The following ZFHX3 variants were observed in gnomAD, a reference collection of about 807,000 sequenced individuals.
ZFHX3 encodes the protein zinc finger homeobox protein 3.
ZFHX3 carries 42 observed loss-of-function variants against 279.1 expected under a neutral mutation model. The observed-to-expected ratio is 0.15, with a 90% confidence interval of 0.12 to 0.19. The LOEUF (loss-of-function observed/expected upper bound fraction) is 0.19. ZFHX3 is among the 10% of genes least tolerant of loss of function. The pLI is 1.00. For synonymous variants in ZFHX3, 2,293 were observed against 1,957.8 expected, an observed-to-expected ratio of 1.17 and a Z score of -4.52; for missense variants, 4,981 against 4,754.0, an observed-to-expected ratio of 1.05 and a Z score of -1.40.
chr16:73,629,152 G>T (rs182653491), intron 2 of ZFHX3, among the ~76,000 whole-genome samples: 1 of 152,296 alleles, frequency 6.6e-6, no homozygotes, highest in African/African-American at 2.4e-5. Flanking sequence ...CCTTCCGTGT[G>T]TCATCTGTGT....
At chr16:73,193,338 G>C (rs1182083139) in intron 5 of ZFHX3, among the ~76,000 whole-genome samples, 2 of 152,186 alleles carry the variant, frequency 1.3e-5, no homozygotes, top group African/African-American at 4.8e-5. Context: ...TGCTTTGCAG[G>C]GGAGTTGGGG....
chr16:73,118,141 C>G (rs906021748), intron 7 of ZFHX3, among the ~76,000 whole-genome samples: 3 of 152,118 alleles, frequency 2.0e-5, no homozygotes, highest in African/African-American at 7.2e-5. Flanking sequence ...CAAAGAGGAC[C>G]CTCTGTGGTC....
intron 5 of ZFHX3, among the ~76,000 whole-genome samples, chr16:73,234,266 A>C (rs1276164017): frequency 6.6e-6 from 1 of 152,210 alleles, no homozygotes; most frequent in African/African-American, 2.4e-5. Context: ...ACCTGATCTG[A>C]ATGTTAAATG....
intron 1 of ZFHX3, among the ~76,000 whole-genome samples, chr16:73,875,202 G>T (rs947175239): frequency 6.6e-6 from 1 of 151,878 alleles, no homozygotes; most frequent in Admixed American, 6.6e-5. Flanking sequence ...AAGATTTATC[G>T]CAAAATGTCT....
At chr16:73,262,742 G>A (rs996227445) in intron 4 of ZFHX3, among the ~76,000 whole-genome samples, 1 of 152,124 alleles carries the variant, frequency 6.6e-6, no homozygotes, top group Non-Finnish European at 1.5e-5. Flanking sequence ...TGAAAATGAA[G>A]TTGTGTGAGA....
At chr16:73,656,810 C>G (rs1335011666) in intron 2 of ZFHX3, among the ~76,000 whole-genome samples, 2 of 152,152 alleles carry the variant, frequency 1.3e-5, no homozygotes, top group South Asian at 4.1e-4. Context: ...TCTGATTACC[C>G]TTTTCTCATT....
At chr16:73,632,942 G>A (rs1463906977) in intron 2 of ZFHX3, among the ~76,000 whole-genome samples, 1 of 152,082 alleles carries the variant, frequency 6.6e-6, no homozygotes, top group African/African-American at 2.4e-5. Flanking sequence ...GGCCGGGTGT[G>A]GTGGCGGGAG....
chr16:73,408,918 G>A (rs1007520429), intron 3 of ZFHX3, among the ~76,000 whole-genome samples: 3 of 151,796 alleles, frequency 2.0e-5, no homozygotes, highest in Admixed American at 6.6e-5. Flanking sequence ...AGACATGAAC[G>A]CCAAAGATTA....
rs186638051 is a variant in ZFHX3, at chr16:73,738,926, A to T, written c.-1607-58686T>A. ...CCCCCTTCCTCTGATGTACTTCCAG[A>T]AGCTTCCTTTCGTCTATAACCTCTT... is the stretch of plus-strand genomic sequence containing the variant. On this transcript the variant is annotated intron_variant, in intron 1 of 17. Coordinates refer to the ZFHX3 transcript ENST00000641206. Among the ~76,000 whole-genome samples the T allele has an allele frequency of 2.0e-4, 31 of 152,260 alleles. No individual in the cohort carries two copies. In the East Asian group the frequency reaches 5.2e-3, roughly 26 times the overall value.
chr16:72,832,318 T>C (rs1486630987), intron 4 of ZFHX3, among the ~76,000 whole-genome samples: 4 of 152,138 alleles, frequency 2.6e-5, no homozygotes, highest in Non-Finnish European at 4.4e-5. Context: ...GCATCAAGCA[T>C]GGAAACTGCA....
At chr16:73,311,916 A>G (rs1181880832) in intron 4 of ZFHX3, among the ~76,000 whole-genome samples, 2 of 152,180 alleles carry the variant, frequency 1.3e-5, no homozygotes, top group Non-Finnish European at 2.9e-5. Context: ...TGGAAGCTCA[A>G]AATCAAACAG....
chr16:73,274,887 G>A (rs1252944127), intron 4 of ZFHX3, among the ~76,000 whole-genome samples: 1 of 152,206 alleles, frequency 6.6e-6, no homozygotes, highest in African/African-American at 2.4e-5. Context: ...GACATCTGGT[G>A]TATATTTCGG....
chr16:73,010,370 G>A (rs539088544), intron 1 of ZFHX3, among the ~76,000 whole-genome samples: 1 of 152,346 alleles, frequency 6.6e-6, no homozygotes, highest in East Asian at 1.9e-4. Context: ...AAAGACGGAT[G>A]ACAGGAAAAC....
chr16:73,225,740 T>C (rs1434559908), intron 5 of ZFHX3, among the ~76,000 whole-genome samples: 2 of 152,232 alleles, frequency 1.3e-5, no homozygotes, highest in Non-Finnish European at 2.9e-5. Flanking sequence ...GTGTTCTGCA[T>C]AGTATCATCT....
intron 5 of ZFHX3, chr16:72,821,793 GC>G (rs2036798361): frequency 6.6e-6 from 1 of 152,188 alleles, no homozygotes; most frequent in Admixed American, 6.5e-5. Context: ...GGCATATGAT[GC>G]CTACCACAGA....
At chr16:73,343,706 G>A (rs999351757) in intron 3 of ZFHX3, among the ~76,000 whole-genome samples, 1 of 152,176 alleles carries the variant, frequency 6.6e-6, no homozygotes, top group Non-Finnish European at 1.5e-5. Flanking sequence ...GCAACAGAGT[G>A]AGATCCCATC....
intron 6 of ZFHX3, among the ~76,000 whole-genome samples, chr16:73,139,501 A>G (rs1966840763): frequency 6.6e-6 from 1 of 152,218 alleles, no homozygotes; most frequent in African/African-American, 2.4e-5. Context: ...CAGAAAAATA[A>G]AGCTTAAAGC....
chr16:72,959,481 G>A lies in ZFHX3; in HGVS notation c.665C>T (p.Ala222Val), dbSNP rs373712806. The change falls in exon 2 of 10, where the codon GCG becomes GTG. Residue 222 changes from alanine (A) to valine (V), a missense_variant. Around this residue, in one of 7 missense-constraint regions of ZFHX3, gnomAD observed 1,068 missense variants for 935.2 expected, o/e 1.14. Transcript: ENST00000268489. ...GCTGTGCAGGACGGGGCTGAGCCCC[G>A]CCAGGGCTGAGGTATTCGGGAAAGC... is the stretch of plus-strand genomic sequence containing the variant. ...DQAFPNTSALAGLSPVLHSFR... is the reference protein window; with the variant it reads ...DQAFPNTSALVGLSPVLHSFR... 7.6e-5 allele frequency: 123 copies of A among 1,614,122 alleles called. No individual in the cohort carries two copies. Among genetic ancestry groups the A allele is most frequent in the Non-Finnish European group, 9.2e-5 (109 of 1,180,044 alleles).
At chr16:73,314,602 G>C (rs941631312) in intron 4 of ZFHX3, among the ~76,000 whole-genome samples, 1 of 152,088 alleles carries the variant, frequency 6.6e-6, no homozygotes, top group Non-Finnish European at 1.5e-5. Flanking sequence ...TTATGATCTA[G>C]GTGACATGAA....
Sources: gnomAD v4.1 joint callset for allele counts (sites outside exome capture counted in the v4.1 genomes callset) on GRCh38, gnomAD v4.1.1 for gene constraint, gnomAD v4.1.1 regional missense constraint, MANE v1.5 for transcripts, NCBI Gene and HGNC (gene_info 2026-07-23, HGNC 2026-07-21) for gene names.